Variants in CYB5B observed in about 807,000 individuals in gnomAD.
The protein encoded by CYB5B is cytochrome b5 type B (outer mitochondrial membrane).
CYB5B carries 14 observed loss-of-function variants against 21.3 expected under a neutral mutation model. The observed-to-expected ratio is 0.66, with a 90% CI of 0.43 to 1.03. The LOEUF (loss-of-function observed/expected upper bound fraction) is 1.03. Among genes scored for constraint, CYB5B ranks in the 50% least tolerant of loss-of-function variants. The pLI is 0.00. For synonymous variants in CYB5B, 69 were observed against 68.4 expected, an observed-to-expected ratio of 1.01 and a Z score of -0.04; for missense variants, 166 against 185.1, an observed-to-expected ratio of 0.90 and a Z score of 0.60.
rs545695647 is a variant in CYB5B, at chr16:69,432,549, A to G, written c.174+7692A>G. 3.0e-4 allele frequency among the ~76,000 whole-genome samples: 46 copies of G among 152,348 alleles called. 1 individual carries two copies. The highest frequency in any genetic ancestry group is 1.1e-3 in the African/African-American group (45 of 41,580). ...TGTGCAAACATGTATATACTTATATATACAAATATGTACAAATATATACAG... is the reference window on the plus strand; with the variant it reads ...TGTGCAAACATGTATATACTTATATGTACAAATATGTACAAATATATACAG... On this transcript the variant is annotated intron_variant, in intron 1 of 4. Transcript: ENST00000307892.
chr16:69,456,033 T>C (rs1412277780), intron 3 of CYB5B, among the ~76,000 whole-genome samples: 1 of 152,208 alleles, frequency 6.6e-6, no homozygotes, highest in Non-Finnish European at 1.5e-5. Flanking sequence ...TTGAAGATAT[T>C]AGATATAATT....
At chr16:69,447,335 G>C (rs2014887877) in intron 2 of CYB5B, 57 bp downstream of exon 2, 1 of 1,580,736 alleles carries the variant, frequency 6.3e-7, no homozygotes, top group African/African-American at 1.3e-5. Context: ...AACAGCTGCA[G>C]AACAGGATGA....
chr16:69,450,646 A>C (rs2014923110), intron 3 of CYB5B, among the ~76,000 whole-genome samples: 1 of 152,232 alleles, frequency 6.6e-6, no homozygotes, highest in Non-Finnish European at 1.5e-5. Context: ...TCTAGGATGT[A>C]GGTATCTCTC....
chr16:69,445,721 T>C (rs769150792), intron 1 of CYB5B, among the ~76,000 whole-genome samples: 68 of 152,282 alleles, frequency 4.5e-4, no homozygotes, highest in Non-Finnish European at 8.1e-4. Context: ...CCCAGCACTT[T>C]GGGAGGCCGA....
At chr16:69,435,853 G>C (rs530229579) in intron 1 of CYB5B, among the ~76,000 whole-genome samples, 1 of 152,158 alleles carries the variant, frequency 6.6e-6, no homozygotes, top group South Asian at 2.1e-4. Context: ...TGGTCAGGCT[G>C]GTCTCAAACT....
chr16:69,450,018 C>T (rs1329876650), intron 3 of CYB5B: 1 of 152,142 alleles, frequency 6.6e-6, no homozygotes, highest in East Asian at 1.9e-4. Flanking sequence ...CACTTGGAGA[C>T]CAGCCTGGGC....
At position 69,465,714 on chromosome 16, in the gene CYB5B, T is replaced by A. The variant is rs1305559291; in HGVS notation, c.*3194T>A. 2 of 152,210 alleles carry A rather than the reference T, an allele frequency of 1.3e-5. No homozygotes were observed. Among genetic ancestry groups the A allele is most frequent in the Non-Finnish European group, 2.9e-5 (2 of 68,030 alleles). The allele number at this position is 152,210 out of a possible 1,614,324, so 9.4% of individuals were successfully genotyped here. A position where few individuals can be genotyped will look rare whatever the true frequency, so the allele number is the denominator to read the frequency against. ...GCGATATCTATCTGGTTAAATTCCA[T>A]TTTAGGAGATTGAGATGCAGAACGT... On this transcript the variant is annotated 3_prime_UTR_variant, in exon 5 of 5. Coordinates refer to ENST00000307892, the MANE Select transcript of CYB5B (RefSeq NM_030579.3).
Position 69,465,674 on chromosome 16 carries a change from G to A in CYB5B, c.*3154G>A, listed in dbSNP as rs1040767981. The A allele has an allele frequency of 1.3e-5, 2 of 152,168 alleles. No individual in the cohort carries two copies. Among genetic ancestry groups the A allele is most frequent in the Non-Finnish European group, 2.9e-5 (2 of 68,036 alleles). The allele number at this position is 152,168 out of a possible 1,614,324, so 9.4% of individuals were successfully genotyped here. A position where few individuals can be genotyped will look rare whatever the true frequency, so the allele number is the denominator to read the frequency against. The stretch of plus-strand genomic sequence containing the variant: ...AGTATCATTACTTATGGTATCTCCT[G>A]CTTTAAAATCTCAAGCGATATCTAT... On this transcript the variant is annotated 3_prime_UTR_variant, in exon 5 of 5. Coordinates refer to ENST00000307892, the MANE Select transcript of CYB5B (RefSeq NM_030579.3).
chr16:69,451,942 CAAAA>C (rs1214465929), intron 3 of CYB5B, among the ~76,000 whole-genome samples: 1 of 64,702 alleles, frequency 1.5e-5, no homozygotes. Context: ...GACGCCGTCT[CAAAA>C]AAAAAAAAAA....
intron 1 of CYB5B, chr16:69,443,925 CA>C (rs2014851239): frequency 6.5e-6 from 1 of 154,122 alleles, no homozygotes; most frequent in Non-Finnish European, 1.4e-5. Context: ...TTGGTTGCAA[CA>C]ATGCCTGAGT....
chr16:69,445,464 T>C (rs924314313), intron 1 of CYB5B, among the ~76,000 whole-genome samples: 4 of 152,290 alleles, frequency 2.6e-5, no homozygotes, highest in Middle Eastern at 3.4e-3. Context: ...AAAATAGGAA[T>C]GATAATTTAT....
intron 1 of CYB5B, among the ~76,000 whole-genome samples, chr16:69,437,507 C>T (rs938360361): frequency 1.3e-5 from 2 of 152,104 alleles, no homozygotes; most frequent in South Asian, 2.1e-4. Context: ...CCCCCCAATA[C>T]ACTTCTATCT....
chr16:69,454,935 C>G (rs2014968802), intron 3 of CYB5B, among the ~76,000 whole-genome samples: 1 of 152,054 alleles, frequency 6.6e-6, no homozygotes, highest in African/African-American at 2.4e-5. Flanking sequence ...ACTCTGTTGC[C>G]CAGGCTGGAG....
chr16:69,463,375 T>G lies in CYB5B; in HGVS notation c.*855T>G, dbSNP rs1483042932. The G allele has an allele frequency of 6.6e-6, 1 of 152,052 alleles. No individual in the cohort carries two copies. The highest frequency in any genetic ancestry group is 1.5e-5 in the Non-Finnish European group (1 of 68,022). The allele number at this position is 152,052 out of a possible 1,614,324, so 9.4% of individuals were successfully genotyped here. A position where few individuals can be genotyped will look rare whatever the true frequency, so the allele number is the denominator to read the frequency against. On this transcript the variant is annotated 3_prime_UTR_variant, in exon 5 of 5. Transcript: ENST00000307892. ...ATGAATTGGGGTGATAGAACCCTGG[T>G]GAATTCAGAGTAATCTTTCTTTAGA...
intron 1 of CYB5B, among the ~76,000 whole-genome samples, chr16:69,446,878 G>C (rs147035864): frequency 1.8e-4 from 27 of 152,184 alleles, no homozygotes; most frequent in South Asian, 4.2e-4. Context: ...GAGATCACAG[G>C]CCAGACCTGT....
At chr16:69,459,409 A>G in intron 4 of CYB5B, 1 of 320,570 alleles carries the variant, frequency 3.1e-6, no homozygotes, top group Non-Finnish European at 5.7e-6. Flanking sequence ...ATGGACAGGT[A>G]GCTACTATTG....
intron 1 of CYB5B, among the ~76,000 whole-genome samples, chr16:69,427,400 T>C (rs978922651): frequency 1.3e-5 from 2 of 152,172 alleles, no homozygotes; most frequent in African/African-American, 4.8e-5. Flanking sequence ...TTCTTTCTTT[T>C]TTTTTTTCCT....
At chr16:69,447,782 G>T (rs956281859) in intron 2 of CYB5B, among the ~76,000 whole-genome samples, 1 of 152,072 alleles carries the variant, frequency 6.6e-6, no homozygotes, top group East Asian at 1.9e-4. Context: ...TCTCTAAAAA[G>T]CTAAGGGAAC....
At chr16:69,432,470 C>G (rs999525449) in intron 1 of CYB5B, among the ~76,000 whole-genome samples, 2 of 152,172 alleles carry the variant, frequency 1.3e-5, no homozygotes, top group Non-Finnish European at 2.9e-5. Flanking sequence ...AGGCTAAACT[C>G]TTTCAATCCC....
Sources: allele counts gnomAD v4.1 joint callset (sites outside exome capture counted in the v4.1 genomes callset), GRCh38; gene constraint gnomAD v4.1.1; transcripts MANE v1.5; gene names NCBI Gene and HGNC (gene_info 2026-07-23, HGNC 2026-07-21).